VPS26A: variants seen among roughly 807,000 people sequenced by gnomAD.
The protein encoded by VPS26A is vacuolar protein sorting-associated protein 26A.
A neutral mutation model predicts 42.4 loss-of-function variants in VPS26A; 22 were observed. That is an observed-to-expected ratio of 0.52 (90% CI 0.37 to 0.74). VPS26A has a LOEUF of 0.74. Ranked by LOEUF, VPS26A falls within the 30% of genes least tolerant of loss-of-function variation. The pLI, the probability that VPS26A is intolerant of heterozygous loss-of-function variation, is 0.00. For missense variants in VPS26A, 276 were observed against 379.2 expected (o/e 0.73, Z 2.26); for synonymous variants, 110 against 123.5 (o/e 0.89, Z 0.73).
chr10:69,147,225 ACT>A (rs928319476), intron 2 of VPS26A, among the ~76,000 whole-genome samples: 2 of 151,236 alleles, frequency 1.3e-5, no homozygotes, highest in African/African-American at 4.9e-5. Context: ...CTTGGAGAAA[ACT>A]CTATTCAAAA....
At chr10:69,152,254 C>T (rs1161136351) in intron 2 of VPS26A, among the ~76,000 whole-genome samples, 1 of 152,094 alleles carries the variant, frequency 6.6e-6, no homozygotes, top group Non-Finnish European at 1.5e-5. Flanking sequence ...GAAACAATTA[C>T]CCATAATCAA....
intron 6 of VPS26A, among the ~76,000 whole-genome samples, chr10:69,163,332 C>T (rs1286679228): frequency 6.6e-6 from 1 of 152,192 alleles, no homozygotes; most frequent in Non-Finnish European, 1.5e-5. Context: ...GTTGCCCAGG[C>T]TAGTCTCGAA....
chr10:69,158,683 TA>T (rs936234046), intron 5 of VPS26A, among the ~76,000 whole-genome samples: 10 of 152,132 alleles, frequency 6.6e-5, no homozygotes, highest in Admixed American at 6.5e-5. Context: ...TAAATTTTAT[TA>T]TGGGAAATTT....
intron 6 of VPS26A, among the ~76,000 whole-genome samples, chr10:69,163,766 CTTTTTTTTTT>C (rs869154106): frequency 3.7e-5 from 5 of 133,612 alleles, no homozygotes; most frequent in African/African-American, 8.3e-5. Context: ...TTTCAGTTTT[CTTTTTTTTTT>C]TTTTTTTGAG....
intron 2 of VPS26A, among the ~76,000 whole-genome samples, chr10:69,137,729 G>A (rs1036996256): frequency 2.6e-5 from 4 of 152,034 alleles, no homozygotes; most frequent in Admixed American, 2.6e-4. Context: ...ACACTCAAGA[G>A]GATTATACAC....
Position 69,171,185 on chromosome 10 carries a change from A to G in VPS26A, c.900A>G (p.Glu300=), listed in dbSNP as rs144121758. 43 of 1,612,832 alleles carry G rather than the reference A, an allele frequency of 2.7e-5. No homozygotes were observed. The African/African-American group carries it at 4.5e-4, about 17-fold the overall frequency. Reference sequence around the variant, plus strand: ...TAATTTTATGGAGAAAAGCTCCTGAAAAACTGAGGAAACAGAGAACAAACT... The same window carrying G: ...TAATTTTATGGAGAAAAGCTCCTGAGAAACTGAGGAAACAGAGAACAAACT... The part of the protein sequence containing the change: ...QEIILWRKAP[E]KLRKQRTNFH... The change falls in exon 9 of 9, where the codon GAA becomes GAG. Residue 300 remains glutamate, a synonymous_variant. Transcript: ENST00000263559.
At chr10:69,164,016 C>G (rs1451164864) in intron 6 of VPS26A, among the ~76,000 whole-genome samples, 1 of 152,114 alleles carries the variant, frequency 6.6e-6, no homozygotes, top group African/African-American at 2.4e-5. Context: ...ATCCGCCCGC[C>G]TCAGCCTCCC....
rs767500920 is a variant in VPS26A at position 69,168,474 on chromosome 10, T to C, written c.728-15T>C. 6.2e-7 allele frequency: 1 copy of C among 1,608,394 alleles called. No homozygotes were observed. The highest frequency in any genetic ancestry group is 1.1e-5 in the South Asian group (1 of 90,276). ...AATCATCTTTAGAATTAAGTAGAAA[T>C]TCCTTTTCTTTCAGGTGAATCAATT... On this transcript the variant is annotated splice_polypyrimidine_tract_variant and intron_variant, in intron 7 of 8. Transcript: ENST00000263559.
intron 2 of VPS26A, among the ~76,000 whole-genome samples, chr10:69,152,677 T>C (rs1841340287): frequency 6.6e-6 from 1 of 152,154 alleles, no homozygotes; most frequent in African/African-American, 2.4e-5. Context: ...GCATTTGTTA[T>C]AGTAAAAAAC....
chr10:69,127,852 A>G (rs887292066), intron 1 of VPS26A, among the ~76,000 whole-genome samples: 2 of 148,150 alleles, frequency 1.3e-5, no homozygotes, highest in African/African-American at 2.5e-5. Context: ...ACACACCACT[A>G]TGCTGGGCTA....
At chr10:69,167,807 G>A (rs1349653863) in intron 7 of VPS26A, among the ~76,000 whole-genome samples, 1 of 148,354 alleles carries the variant, frequency 6.7e-6, no homozygotes, top group African/African-American at 2.5e-5. Flanking sequence ...GAAGCAATGA[G>A]AATCTGAATA....
chr10:69,138,550 A>G (rs576061642), intron 2 of VPS26A, among the ~76,000 whole-genome samples: 6 of 152,312 alleles, frequency 3.9e-5, no homozygotes, highest in Non-Finnish European at 7.3e-5. Context: ...TTTCAAGGCC[A>G]TAGTTGCATG....
At chr10:69,141,217 A>G (rs1841030641) in intron 2 of VPS26A, among the ~76,000 whole-genome samples, 1 of 152,240 alleles carries the variant, frequency 6.6e-6, no homozygotes, top group South Asian at 2.1e-4. Flanking sequence ...TAGTAGCCAG[A>G]ATAGTCTGGA....
chr10:69,158,245 A>G (rs772833117), intron 5 of VPS26A, 34 bp downstream of exon 5: 1 of 1,504,432 alleles, frequency 6.6e-7, no homozygotes, highest in South Asian at 1.3e-5. Flanking sequence ...TGTTCAGAGA[A>G]AATTCAAAAA....
At chr10:69,138,929 A>T (rs1410125574) in intron 2 of VPS26A, among the ~76,000 whole-genome samples, 1 of 152,132 alleles carries the variant, frequency 6.6e-6, no homozygotes, top group Non-Finnish European at 1.5e-5. Context: ...GAAGTTAGTT[A>T]AAAAAAATTT....
At chr10:69,152,340 A>G (rs4746820) in intron 2 of VPS26A, among the ~76,000 whole-genome samples, 71,672 of 152,190 alleles carry the variant, frequency 0.47, 19,264 homozygotes, top group Middle Eastern at 0.72. Context: ...ATCGGCATAT[A>G]CTTGTATACA....
chr10:69,151,271 A>AC (rs1564680849), intron 2 of VPS26A, among the ~76,000 whole-genome samples: 1 of 67,000 alleles, frequency 1.5e-5, no homozygotes, highest in African/African-American at 4.9e-5. Flanking sequence ...TGTCAAAAAA[A>AC]AAAAAAAAAA....
At chr10:69,170,495 C>T (rs1841792462) in intron 8 of VPS26A, 1 of 151,852 alleles carries the variant, frequency 6.6e-6, no homozygotes, top group South Asian at 2.1e-4. Flanking sequence ...GGGAAGTTCT[C>T]AGGATGGATT....
intron 2 of VPS26A, among the ~76,000 whole-genome samples, chr10:69,134,055 TATC>T (rs915325628): frequency 6.6e-6 from 1 of 152,136 alleles, no homozygotes; most frequent in Admixed American, 6.5e-5. Flanking sequence ...AGAATGGTAA[TATC>T]ATAGACAAAA....
Sources: allele counts gnomAD v4.1 joint callset (sites outside exome capture counted in the v4.1 genomes callset), GRCh38; gene constraint gnomAD v4.1.1; transcripts MANE v1.5; gene names NCBI Gene and HGNC (gene_info 2026-07-23, HGNC 2026-07-21).